MAGI2: variants seen among roughly 807,000 people sequenced by gnomAD.
MAGI2 encodes membrane-associated guanylate kinase, WW and PDZ domain-containing protein 2.
A neutral mutation model predicts 133.3 loss-of-function variants in MAGI2; 35 were observed. The observed-to-expected ratio is 0.26, with a 90% CI of 0.20 to 0.35. The LOEUF (loss-of-function observed/expected upper bound fraction) is 0.35. MAGI2 is among the 10% of genes least tolerant of loss of function. The pLI is 1.00. For missense variants in MAGI2, 1,636 were observed against 1,863.4 expected (o/e 0.88, Z 2.25); for synonymous variants, 729 against 710.6 (o/e 1.03, Z -0.41).
chr7:79,431,413 C>T (rs1281833110), intron 1 of MAGI2, among the ~76,000 whole-genome samples: 3 of 152,104 alleles, frequency 2.0e-5, no homozygotes, highest in Admixed American at 6.6e-5. Context: ...CTTTTAAGTT[C>T]TCAAAATAAT....
chr7:78,906,847 T>C (rs1324491979), intron 2 of MAGI2, among the ~76,000 whole-genome samples: 2 of 152,170 alleles, frequency 1.3e-5, no homozygotes, highest in Non-Finnish European at 2.9e-5. Flanking sequence ...TATGAATGCA[T>C]ATCTATACAT....
chr7:78,897,334 G>T (rs1295518704), intron 2 of MAGI2, among the ~76,000 whole-genome samples: 1 of 152,130 alleles, frequency 6.6e-6, no homozygotes, highest in Non-Finnish European at 1.5e-5. Flanking sequence ...TTATACTGAT[G>T]GCACTCATAC....
intron 1 of MAGI2, among the ~76,000 whole-genome samples, chr7:79,392,231 G>C (rs1585815294): frequency 1.3e-5 from 2 of 152,150 alleles, no homozygotes; most frequent in Middle Eastern, 3.4e-3. Flanking sequence ...GTGTACATGT[G>C]CCACATTTTC....
chr7:79,258,307 T>C (rs1322347295), intron 1 of MAGI2, among the ~76,000 whole-genome samples: 1 of 152,192 alleles, frequency 6.6e-6, no homozygotes, highest in African/African-American at 2.4e-5. Context: ...CAGAAGAAAA[T>C]AAATTGCTTT....
chr7:79,169,058 A>G (rs1178296982), intron 1 of MAGI2, among the ~76,000 whole-genome samples: 1 of 151,850 alleles, frequency 6.6e-6, no homozygotes, highest in African/African-American at 2.4e-5. Flanking sequence ...GGGGTTGAAG[A>G]ATGGTCCCTT....
chr7:78,846,974 C>A (rs1792673693), intron 2 of MAGI2, among the ~76,000 whole-genome samples: 2 of 152,034 alleles, frequency 1.3e-5, no homozygotes, highest in Admixed American at 6.6e-5. Flanking sequence ...CCAACCCCAA[C>A]TTTCTCCCTT....
At chr7:79,257,128 T>G (rs1022250585) in intron 1 of MAGI2, among the ~76,000 whole-genome samples, 2 of 152,118 alleles carry the variant, frequency 1.3e-5, no homozygotes, top group African/African-American at 4.8e-5. Flanking sequence ...CAAAACATCA[T>G]ACATGATAAA....
intron 1 of MAGI2, among the ~76,000 whole-genome samples, chr7:79,163,419 C>G (rs916585147): frequency 6.6e-6 from 1 of 152,062 alleles, no homozygotes; most frequent in Admixed American, 6.6e-5. Context: ...AGTGATCTGC[C>G]TGCCTCAGCC....
chr7:79,446,266 T>C (rs1180967822), intron 1 of MAGI2, among the ~76,000 whole-genome samples: 3 of 152,150 alleles, frequency 2.0e-5, no homozygotes, highest in African/African-American at 7.2e-5. Flanking sequence ...TGTATACATA[T>C]GTAACTAACC....
chr7:79,168,893 T>TAG (rs1562958518), intron 1 of MAGI2, among the ~76,000 whole-genome samples: 12 of 7,408 alleles, frequency 1.6e-3, no homozygotes, highest in East Asian at 3.1e-3. Flanking sequence ...AAGATAGATA[T>TAG]ATATATATAT....
intron 1 of MAGI2, among the ~76,000 whole-genome samples, chr7:79,304,901 A>G (rs1427752578): frequency 6.6e-6 from 1 of 152,176 alleles, no homozygotes; most frequent in Non-Finnish European, 1.5e-5. Flanking sequence ...AATGGTGTCA[A>G]CCAGGAAAGG....
intron 2 of MAGI2, among the ~76,000 whole-genome samples, chr7:78,980,944 C>A (rs1033246291): frequency 6.6e-5 from 10 of 151,550 alleles, no homozygotes; most frequent in Non-Finnish European, 1.2e-4. Context: ...AAATTATTTT[C>A]TTTCAGGGCT....
chr7:78,397,398 C>CACACAA (rs3061268), intron 6 of MAGI2, among the ~76,000 whole-genome samples: 1 of 150,148 alleles, frequency 6.7e-6, no homozygotes, highest in African/African-American at 2.5e-5. Context: ...CACACACACA[C>CACACAA]CCCTTGTCTT....
chr7:79,182,621 T>C (rs1407808063), intron 1 of MAGI2, among the ~76,000 whole-genome samples: 1 of 151,900 alleles, frequency 6.6e-6, no homozygotes, highest in Non-Finnish European at 1.5e-5. Context: ...TGAAAAATAG[T>C]ATGAAGATTT....
chr7:78,304,992 G>T (rs1798135910), intron 9 of MAGI2, among the ~76,000 whole-genome samples: 1 of 152,140 alleles, frequency 6.6e-6, no homozygotes, highest in Non-Finnish European at 1.5e-5. Flanking sequence ...GATTGATTTG[G>T]TTTTTATTGC....
At chr7:79,422,852 T>C (rs1177853918) in intron 1 of MAGI2, among the ~76,000 whole-genome samples, 1 of 152,048 alleles carries the variant, frequency 6.6e-6, no homozygotes, top group Non-Finnish European at 1.5e-5. Context: ...TAGACAAACC[T>C]GTATAATGCT....
chr7:78,740,702 T>C (rs1173198338), intron 2 of MAGI2, among the ~76,000 whole-genome samples: 2 of 152,236 alleles, frequency 1.3e-5, no homozygotes, highest in Non-Finnish European at 2.9e-5. Context: ...AGACTCTTTT[T>C]GCTCAATTGT....
At chr7:78,075,017 T>A (rs1245371337) in intron 21 of MAGI2, among the ~76,000 whole-genome samples, 1 of 152,186 alleles carries the variant, frequency 6.6e-6, no homozygotes, top group African/African-American at 2.4e-5. Flanking sequence ...AATGTAAACA[T>A]TTTACTAAAT....
At chr7:78,273,588 TG>T (rs1794786969) in intron 9 of MAGI2, among the ~76,000 whole-genome samples, 1 of 152,212 alleles carries the variant, frequency 6.6e-6, no homozygotes, top group Non-Finnish European at 1.5e-5. Context: ...CACGTAGATT[TG>T]GTCTTTTCAC....
Sources: allele counts gnomAD v4.1 joint callset (sites outside exome capture counted in the v4.1 genomes callset), GRCh38; gene constraint gnomAD v4.1.1; transcripts MANE v1.5; gene names NCBI Gene and HGNC (gene_info 2026-07-23, HGNC 2026-07-21).